KDR: variants seen among roughly 807,000 people sequenced by gnomAD.
KDR encodes the protein kinase insert domain receptor, also known as vascular endothelial growth factor receptor 2.
Under a neutral mutation model 160.9 loss-of-function variants are expected in KDR, and 43 were observed. The observed-to-expected ratio is 0.27, with a 90% CI of 0.21 to 0.34. The LOEUF is 0.34. Ranked by LOEUF, KDR falls within the 10% of genes least tolerant of loss-of-function variation. KDR has a pLI of 1.00. For synonymous variants in KDR, 617 were observed against 600.1 expected (o/e 1.03, Z -0.41); for missense variants, 1,469 against 1,666.4 (o/e 0.88, Z 2.06).
At chr4:55,115,082 C>A (rs775668049) in intron 4 of KDR, 40 bp from the exon 5 acceptor site, 5 of 1,539,502 alleles carry the variant, frequency 3.2e-6, no homozygotes, top group Admixed American at 1.7e-5. Context: ...TAATCCAGTA[C>A]CAAAAATGAG....
chr4:55,087,808 T>G lies in KDR; in HGVS notation c.3511-50A>C, dbSNP rs1012322904. On this transcript the variant is annotated intron_variant, in intron 26 of 29. Transcript: ENST00000263923. Reference sequence around the variant, plus strand: ...GTTGTTATGGCTTCAGTTCTTCAAGTGCCTTTTCATTAAAAACAAAGGGCA... The same window carrying G: ...GTTGTTATGGCTTCAGTTCTTCAAGGGCCTTTTCATTAAAAACAAAGGGCA... 11 of 1,594,166 alleles carry G rather than the reference T, an allele frequency of 6.9e-6. 1 individual carries two copies. The highest frequency in any genetic ancestry group is 9.5e-6 in the Non-Finnish European group (11 of 1,163,666).
At chr4:55,082,448 A>C (rs1719759116) in intron 28 of KDR, 88 bp downstream of exon 28, 1 of 1,065,012 alleles carries the variant, frequency 9.4e-7, no homozygotes. Context: ...ATGAGGCTCC[A>C]AAACTTTAAT....
chr4:55,099,274 C>G (rs967455346), intron 15 of KDR, among the ~76,000 whole-genome samples: 1 of 152,184 alleles, frequency 6.6e-6, no homozygotes, highest in Non-Finnish European at 1.5e-5. Context: ...CCTGCCTTGG[C>G]CTCCCAAAGT....
At chr4:55,081,804 G>T in intron 29 of KDR, 152 bp downstream of exon 29, 1 of 626,586 alleles carries the variant, frequency 1.6e-6, no homozygotes, top group South Asian at 1.9e-5. Flanking sequence ...TTTATTGTGT[G>T]GTTAGTTTCC....
At chr4:55,121,553 T>C (rs890468118) in intron 1 of KDR, among the ~76,000 whole-genome samples, 1 of 152,254 alleles carries the variant, frequency 6.6e-6, no homozygotes, top group Non-Finnish European at 1.5e-5. Flanking sequence ...ACATTTCTTA[T>C]AGAACATAGG....
At chr4:55,097,336 A>G (rs964913476) in intron 18 of KDR, among the ~76,000 whole-genome samples, 2 of 152,132 alleles carry the variant, frequency 1.3e-5, no homozygotes, top group African/African-American at 2.4e-5. Flanking sequence ...ATTCCACAAT[A>G]TATTAAGAAA....
In KDR at chr4:55,106,690, GT is replaced by G. The variant is rs1312292981; in HGVS notation, c.1532del (p.Asn511ThrfsTer4). ...AATTTTAAAACTTCAAACTCACTTT[GT>G]TTTTTCCTTCAATTAGAGCAAATTG... is the stretch of plus-strand genomic sequence containing the variant. ...KNQFALIEGK[N>X]KTVSTLVIQA... On this transcript the variant is annotated frameshift_variant, in exon 11 of 30. Coordinates refer to ENST00000263923, the MANE Select transcript of KDR (RefSeq NM_002253.4). LOFTEE classifies it high-confidence loss of function. 2 of 1,560,170 alleles carry G rather than the reference GT, an allele frequency of 1.3e-6. No homozygotes were observed. Among genetic ancestry groups the G allele is most frequent in the Admixed American group, 1.7e-5 (1 of 59,822 alleles).
chr4:55,082,608 C>A lies in KDR; in HGVS notation c.3690G>T (p.Lys1230Asn), dbSNP rs759104314. The change falls in exon 28 of 30, where the codon AAG (lysine) becomes AAT (asparagine). Residue 1230 changes from lysine to asparagine, a missense_variant. Coordinates refer to ENST00000263923, the MANE Select transcript of KDR (RefSeq NM_002253.4). ...ATGTTTTTACACTCACAGGCCGGCT[C>A]TTTCGCTTACTGTTCTGCAGATACT... ...ISQYLQNSKRKSRPVSVKTFE... is the reference protein window; with the variant it reads ...ISQYLQNSKRNSRPVSVKTFE... The A allele has an allele frequency of 3.7e-6, 6 of 1,613,846 alleles. No individual in the cohort carries two copies. In the East Asian group the frequency reaches 1.3e-4, roughly 36 times the overall value.
intron 27 of KDR, 68 bp from the exon 28 acceptor site, chr4:55,082,703 A>G: frequency 8.6e-7 from 1 of 1,160,312 alleles, no homozygotes; most frequent in Non-Finnish European, 1.3e-6. Flanking sequence ...ACCTAAGTTC[A>G]TTATCTTTCA....
rs759473733 is a variant in KDR at position 55,094,905 on chromosome 4, A to G, written c.2868T>C (p.Pro956=). The G allele has an allele frequency of 6.2e-7, 1 of 1,613,858 alleles. No homozygotes were observed. Among genetic ancestry groups the G allele is most frequent in the Non-Finnish European group, 8.5e-7 (1 of 1,179,902 alleles). The change falls in exon 21 of 30, where the codon CCT becomes CCC. Residue 956 remains proline, a synonymous_variant. Coordinates refer to ENST00000263923, the MANE Select transcript of KDR (RefSeq NM_002253.4). ...RQGKDYVGAI[P]VDLKRRLDSI... The stretch of plus-strand genomic sequence containing the variant: ...TGTCCAAGCGCCGTTTCAGATCCAC[A>G]GGGATTGCTCCAACGTAGTCTTTCC...
Position 55,104,753 on chromosome 4 carries a change from A to G in KDR, c.1877T>C (p.Ile626Thr). 6.2e-7 allele frequency: 1 copy of G among 1,613,946 alleles called. No homozygotes were observed. The highest frequency in any genetic ancestry group is 8.5e-7 in the Non-Finnish European group (1 of 1,179,886). ...CAAGGATGCATTCTTAAGCTCCATG[A>G]TCAAAATGTCATTTGTGCTATTAGA... ...MFSNSTNDIL[I>T]MELKNASLQD... The change falls in exon 13 of 30, where the codon ATC (isoleucine) becomes ACC (threonine). Residue 626 changes from isoleucine (I) to threonine (T), a missense_variant. Around this residue, in one of 7 missense-constraint regions of KDR, gnomAD observed 792 missense variants for 840.9 expected, o/e 0.94. Coordinates refer to ENST00000263923, the MANE Select transcript of KDR (RefSeq NM_002253.4).
Position 55,087,588 on chromosome 4 carries a change from G to T in KDR, c.3662+19C>A. ...TTGAAGTCACCCTCCCCCGGGGGAT[G>T]TTAGGCCATATACAGTACCTGATTC... On this transcript the variant is annotated intron_variant, in intron 27 of 29. Coordinates refer to ENST00000263923, the MANE Select transcript of KDR (RefSeq NM_002253.4). 6.2e-7 allele frequency: 1 copy of T among 1,613,188 alleles called. No individual in the cohort carries two copies. Among genetic ancestry groups the T allele is most frequent in the Non-Finnish European group, 8.5e-7 (1 of 1,179,238 alleles).
At chr4:55,118,149 C>T (rs1256500441) in intron 3 of KDR, among the ~76,000 whole-genome samples, 2 of 152,164 alleles carry the variant, frequency 1.3e-5, no homozygotes, top group South Asian at 2.1e-4. Flanking sequence ...AAAAAAGGTT[C>T]CTATGTGCAA....
Position 55,079,046 on chromosome 4 carries a change from G to A in KDR, c.*895C>T, listed in dbSNP as rs980035190. ...GTCTCAGACATATCACATCAGGACA[G>A]ATATGAGGGTATTCATTCCAGAAGA... On this transcript the variant is annotated 3_prime_UTR_variant, in exon 30 of 30. Transcript: ENST00000263923. 6 of 233,124 alleles carry A rather than the reference G, an allele frequency of 2.6e-5. No homozygotes were observed. Among genetic ancestry groups the A allele is most frequent in the African/African-American group, 1.3e-4 (6 of 45,276 alleles). 14.4% of individuals were successfully genotyped at this position (233,124 alleles called of 1,614,324 possible). A position where few individuals can be genotyped will look rare whatever the true frequency, so the allele number is the denominator to read the frequency against.
At chr4:55,107,300 A>G (rs1720469797) in intron 10 of KDR, among the ~76,000 whole-genome samples, 1 of 152,146 alleles carries the variant, frequency 6.6e-6, no homozygotes, top group South Asian at 2.1e-4. Context: ...CTTGTGTCAG[A>G]GCATGATAAG....
chr4:55,093,540 T>C (rs762951345), intron 21 of KDR, among the ~76,000 whole-genome samples: 5 of 152,190 alleles, frequency 3.3e-5, no homozygotes, highest in Non-Finnish European at 7.3e-5. Context: ...CTGGCCACTG[T>C]TTTTTGAAAG....
rs1720223849 is a variant in KDR, at chr4:55,098,684, A to G, written c.2373+13T>C. 1 of 1,596,314 alleles carries G rather than the reference A, an allele frequency of 6.3e-7. No homozygotes were observed. The highest frequency in any genetic ancestry group is 1.3e-5 in the African/African-American group (1 of 74,522). The stretch of plus-strand genomic sequence containing the variant: ...ACCAATGTGCATGGGCAGAAGGGAA[A>G]TTATTTTTTTACCCGCTTAACGGTC... On this transcript the variant is annotated intron_variant, in intron 16 of 29. Transcript: ENST00000263923.
intron 10 of KDR, among the ~76,000 whole-genome samples, chr4:55,107,340 G>A (rs1200857871): frequency 2.0e-5 from 3 of 152,102 alleles, no homozygotes; most frequent in Non-Finnish European, 4.4e-5. Flanking sequence ...GACTGGGGCT[G>A]GGTCTATCAC....
intron 22 of KDR, 94 bp downstream of exon 22, chr4:55,092,523 C>G (rs1392626550): frequency 2.2e-6 from 2 of 892,404 alleles, no homozygotes; most frequent in Non-Finnish European, 3.8e-6. Context: ...GAATGAATTA[C>G]AATCCCAAAC....
Sources: allele counts gnomAD v4.1 joint callset (sites outside exome capture counted in the v4.1 genomes callset), GRCh38; gene constraint gnomAD v4.1.1; regional missense constraint gnomAD v4.1.1; transcripts MANE v1.5; gene names NCBI Gene and HGNC (gene_info 2026-07-23, HGNC 2026-07-21).